Variants in LRP1 observed in about 807,000 individuals in gnomAD.
LRP1 encodes LDL receptor related protein 1.
In LRP1, 51 loss-of-function variants were observed where a neutral mutation model predicts 541.5. The observed-to-expected ratio is 0.09, with a 90% CI of 0.08 to 0.12. The LOEUF (loss-of-function observed/expected upper bound fraction) is 0.12, where lower values mean the gene tolerates loss of function less well. Ranked by LOEUF, LRP1 falls within the 10% of genes least tolerant of loss-of-function variation. LRP1 has a pLI of 1.00. For synonymous variants in LRP1, 2,219 were observed against 2,470.8 expected (o/e 0.90, Z 3.02); for missense variants, 3,878 against 6,376.2 (o/e 0.61, Z 13.34).
In LRP1 at chr12:57,197,689, C is replaced by A; in HGVS notation, c.9282+25C>A. 6.2e-7 allele frequency: 1 copy of A among 1,607,190 alleles called. No homozygotes were observed. The highest frequency in any genetic ancestry group is 8.5e-7 in the Non-Finnish European group (1 of 1,177,978). On this transcript the variant is annotated intron_variant, in intron 58 of 88. Transcript: ENST00000243077. The surrounding 1 kb of genome is among the most constrained non-coding windows in gnomAD (Gnocchi z 4.5). ...GGTGAGGCGGGCGGCCCTCGGCGAC[C>A]AACACTGGCCCGCCTCAGATGACTG...
chr12:57,193,409 C>A, intron 46 of LRP1, 105 bp downstream of exon 46: 2 of 1,536,212 alleles, frequency 1.3e-6, no homozygotes, highest in Non-Finnish European at 1.8e-6. Flanking sequence ...GCTTCCTGAC[C>A]ATGAGTTTTG....
At chr12:57,187,221 G>C (rs1183473153) in intron 41 of LRP1, 46 bp from the exon 42 acceptor site, 19 of 1,574,678 alleles carry the variant, frequency 1.2e-5, no homozygotes, top group Non-Finnish European at 1.6e-5. Flanking sequence ...TGTGCAGGCT[G>C]CCCTCTGGGC....
At position 57,180,743 on chromosome 12, in the gene LRP1, G is replaced by A; in HGVS notation, c.5463G>A (p.Val1821=). The A allele has an allele frequency of 1.2e-6, 2 of 1,614,066 alleles. No homozygotes were observed. Among genetic ancestry groups the A allele is most frequent in the African/African-American group, 2.7e-5 (2 of 75,076 alleles). The change falls in exon 33 of 89, where the codon GTG becomes GTA. Residue 1821 remains valine, a synonymous_variant. Coordinates refer to ENST00000243077, the MANE Select transcript of LRP1 (RefSeq NM_002332.3). ...TCSKADGSGS[V]VLRNSTTLVM... is the part of the protein sequence containing the mutation. ...GCAAGGCTGACGGCTCGGGCTCCGT[G>A]GTCCTTCGGAACAGCACCACCCTGG... is the stretch of plus-strand genomic sequence containing the variant.
intron 48 of LRP1, 115 bp downstream of exon 48, chr12:57,194,127 G>T (rs2036474212): frequency 9.4e-7 from 1 of 1,061,736 alleles, no homozygotes; most frequent in African/African-American, 1.6e-5. Flanking sequence ...CCTCATCCCC[G>T]CTGACAGCCT....
At position 57,200,036 on chromosome 12, in the gene LRP1, C is replaced by G. The variant is rs778237009; in HGVS notation, c.10014+11C>G. ...TGCACGGCTAGCCAGGTGAGGCTGT[C>G]CCCCAGACCCCATCACCAGTGCCCG... On this transcript the variant is annotated intron_variant, in intron 62 of 88. Coordinates refer to ENST00000243077, the MANE Select transcript of LRP1 (RefSeq NM_002332.3). The G allele has an allele frequency of 3.2e-6, 5 of 1,580,758 alleles. No individual in the cohort carries two copies. In the East Asian group the frequency reaches 1.1e-4, roughly 36 times the overall value.
rs574151800 is a variant in LRP1, at chr12:57,159,956, G to A, written c.1930G>A (p.Glu644Lys). 9.9e-6 allele frequency: 16 copies of A among 1,614,112 alleles called. No homozygotes were observed. Among genetic ancestry groups the A allele is most frequent in the African/African-American group, 5.3e-5 (4 of 75,024 alleles). Residue 644 changes from glutamate (E) to lysine (K), a missense_variant, in exon 12 of 89, where the codon GAG (glutamate) becomes AAG (lysine). This residue lies in a region of LRP1 where 496 missense variants were observed against 861.0 expected (regional missense o/e 0.58). Coordinates refer to ENST00000243077, the MANE Select transcript of LRP1 (RefSeq NM_002332.3). ...KAAQTRKTLIEGKMTHPRAIV... is the reference protein window; with the variant it reads ...KAAQTRKTLIKGKMTHPRAIV... The stretch of plus-strand genomic sequence containing the variant: ...TGCTCAGACCCGCAAGACTTTAATC[G>A]AGGGCAAAATGACACACCCCAGGGC...
At position 57,183,559 on chromosome 12, in the gene LRP1, G is replaced by A. The variant is rs1011729297; in HGVS notation, c.5794+49G>A. 1 of 1,582,430 alleles carries A rather than the reference G, an allele frequency of 6.3e-7. No homozygotes were observed. The highest frequency in any genetic ancestry group is 1.8e-4 in the Middle Eastern group (1 of 5,612). On this transcript the variant is annotated intron_variant, in intron 35 of 88. Transcript: ENST00000243077. This position sits in a 1 kb window ranked among gnomAD's most constrained non-coding sequence, Gnocchi z 6.1. ...AGTTGGGCGTGGCGTAGGAGCTTTA[G>A]GGGTGGTGTGGTGTGCCCTGAGGGT... is the stretch of plus-strand genomic sequence containing the variant.
intron 17 of LRP1, chr12:57,166,425 G>A (rs1308093516): frequency 1.8e-6 from 1 of 560,454 alleles, no homozygotes; most frequent in Non-Finnish European, 3.1e-6. Flanking sequence ...GCCGGGCGTG[G>A]TGGCGTGCAC....
At chr12:57,193,014 A>G (rs925122761) in intron 45 of LRP1, 44 bp downstream of exon 45, 9 of 1,602,894 alleles carry the variant, frequency 5.6e-6, no homozygotes, top group Admixed American at 1.7e-5. Context: ...ACCCAAGCAC[A>G]CACCAGGGAT....
chr12:57,210,567 C>A, intron 82 of LRP1, 87 bp downstream of exon 82: 1 of 1,452,042 alleles, frequency 6.9e-7, no homozygotes, highest in Non-Finnish European at 9.3e-7. Flanking sequence ...AAATGCCCAG[C>A]CCCTGCCTCG....
At chr12:57,149,937 G>A in intron 6 of LRP1, 1 of 588,070 alleles carries the variant, frequency 1.7e-6, no homozygotes, top group Non-Finnish European at 3.0e-6. Context: ...CTCTCCCACT[G>A]TCTTGGAGTG....
At position 57,160,017 on chromosome 12, in the gene LRP1, C is replaced by T. The variant is rs769366105; in HGVS notation, c.1979+12C>T. ...GATCCACTCAATGGGTGAGTCCTCCCAGGCCTTGGGGTGGGAGGAGCTGGG... is the reference window on the plus strand; with the variant it reads ...GATCCACTCAATGGGTGAGTCCTCCTAGGCCTTGGGGTGGGAGGAGCTGGG... On this transcript the variant is annotated intron_variant, in intron 12 of 88. Coordinates refer to ENST00000243077, the MANE Select transcript of LRP1 (RefSeq NM_002332.3). 1.9e-6 allele frequency: 3 copies of T among 1,612,756 alleles called. No homozygotes were observed. The highest frequency in any genetic ancestry group is 3.3e-5 in the Admixed American group (2 of 59,956).
At chr12:57,134,388 C>A (rs1043175165) in intron 1 of LRP1, among the ~76,000 whole-genome samples, 1 of 152,180 alleles carries the variant, frequency 6.6e-6, no homozygotes, top group African/African-American at 2.4e-5. Context: ...AAATCCTCTC[C>A]CCACTGCCAG....
In LRP1 at chr12:57,154,085, G is replaced by A. The variant is rs1280180522; in HGVS notation, c.842-123G>A. On this transcript the variant is annotated intron_variant, in intron 6 of 88. Coordinates refer to ENST00000243077, the MANE Select transcript of LRP1 (RefSeq NM_002332.3). The surrounding 1 kb of genome is among the most constrained non-coding windows in gnomAD (Gnocchi z 4.6). The stretch of plus-strand genomic sequence containing the variant: ...TATCCACTCTGAGCTAAGCATGGGG[G>A]TGTTGGGTGGGAGGGCGTCCAGAGA... The A allele has an allele frequency of 6.0e-6, 5 of 838,268 alleles. No homozygotes were observed. The highest frequency in any genetic ancestry group is 3.9e-6 in the Non-Finnish European group (2 of 506,710). The allele number at this position is 838,268 out of a possible 1,614,324, so 51.9% of individuals were successfully genotyped here.
Position 57,178,284 on chromosome 12 carries a change from G to A in LRP1, c.4362-75G>A, listed in dbSNP as rs1462870001. On this transcript the variant is annotated intron_variant, in intron 26 of 88. Transcript: ENST00000243077. The surrounding 1 kb of genome is among the most constrained non-coding windows in gnomAD (Gnocchi z 5.8). ...GGGAGGGCTGTGGCCAGGGCCCAGA[G>A]GGTGGGCACCTGGGCAGAGCTCTGA... 2.0e-6 allele frequency: 3 copies of A among 1,534,582 alleles called. No individual in the cohort carries two copies. The highest frequency in any genetic ancestry group is 2.5e-5 in the South Asian group (2 of 80,152).
At chr12:57,190,127 C>T (rs2036348832) in intron 42 of LRP1, among the ~76,000 whole-genome samples, 1 of 152,158 alleles carries the variant, frequency 6.6e-6, no homozygotes, top group South Asian at 2.1e-4. Context: ...ACGGTGGCTC[C>T]AACCCCAAAC....
intron 20 of LRP1, among the ~76,000 whole-genome samples, 172 bp from the exon 21 acceptor site, chr12:57,172,996 T>A (rs576054027): frequency 6.6e-6 from 1 of 152,346 alleles, no homozygotes; most frequent in Admixed American, 6.5e-5. Context: ...GCCTCCTGAC[T>A]CTACTACTGA....
Position 57,138,589 on chromosome 12 carries a change from C to A in LRP1, c.190+8C>A, listed in dbSNP as rs774231688. 2.7e-5 allele frequency: 43 copies of A among 1,613,566 alleles called. No individual in the cohort carries two copies. The highest frequency in any genetic ancestry group is 2.5e-6 in the Non-Finnish European group (3 of 1,179,772). On this transcript the variant is annotated splice_region_variant and intron_variant, in intron 2 of 88. Transcript: ENST00000243077. Reference sequence around the variant, plus strand: ...ACGAGGCCCCTGAGATTTGTAAGTACCTTTTCTGGATTCTTCTCCCCAAAC... The same window carrying A: ...ACGAGGCCCCTGAGATTTGTAAGTAACTTTTCTGGATTCTTCTCCCCAAAC...
Position 57,194,930 on chromosome 12 carries a change from C to T in LRP1, c.8192-55C>T, listed in dbSNP as rs1012008994. The T allele has an allele frequency of 4.9e-6, 7 of 1,437,004 alleles. No individual in the cohort carries two copies. In the African/African-American group the frequency reaches 9.8e-5, roughly 20 times the overall value. 89.0% of individuals were successfully genotyped at this position (1,437,004 alleles called of 1,614,324 possible). On this transcript the variant is annotated intron_variant, in intron 50 of 88. Transcript: ENST00000243077. ...TGTCCTTCCCATGGCATCAGCCTCC[C>T]CAGGTGGGTGACCCCCACCCTTCCC...
Sources: gnomAD v4.1 joint callset for allele counts (sites outside exome capture counted in the v4.1 genomes callset) on GRCh38, gnomAD v4.1.1 for gene constraint, gnomAD v4.1.1 regional missense constraint, Gnocchi (gnomAD v3.1) non-coding constraint, MANE v1.5 for transcripts, NCBI Gene and HGNC (gene_info 2026-07-23, HGNC 2026-07-21) for gene names.